UBE2V2: variants seen among roughly 807,000 people sequenced by gnomAD.
UBE2V2 encodes the protein ubiquitin-conjugating enzyme E2 variant 2.
Under a neutral mutation model 17.2 loss-of-function variants are expected in UBE2V2, and 9 were observed. The observed-to-expected ratio is 0.52, with a 90% confidence interval of 0.32 to 0.91. UBE2V2 has a LOEUF of 0.91. Among genes scored for constraint, UBE2V2 ranks in the 40% least tolerant of loss-of-function variants. UBE2V2 has a pLI of 0.04. For synonymous variants in UBE2V2, 61 were observed against 57.5 expected (o/e 1.06, Z -0.28); for missense variants, 133 against 182.6 (o/e 0.73, Z 1.56).
At chr8:48,042,330 A>G (rs759641449) in intron 1 of UBE2V2, 1 of 152,196 alleles carries the variant, frequency 6.6e-6, no homozygotes, top group Non-Finnish European at 1.5e-5. Flanking sequence ...CATATTACCA[A>G]TAGCATTTAA....
chr8:48,044,548 T>C (rs1032841903), intron 2 of UBE2V2, among the ~76,000 whole-genome samples: 1 of 152,218 alleles, frequency 6.6e-6, no homozygotes, highest in African/African-American at 2.4e-5. Flanking sequence ...TGGTGTTCCT[T>C]TGCAAAATTC....
rs1802580388 is a variant in UBE2V2, at chr8:48,060,732, C to T, written c.342C>T (p.Ser114=). 1 of 1,563,250 alleles carries T rather than the reference C, an allele frequency of 6.4e-7. No homozygotes were observed. Among genetic ancestry groups the T allele is most frequent in the East Asian group, 2.4e-5 (1 of 41,718 alleles). The change falls in exon 4 of 4, where the codon AGC becomes AGT. Residue 114 remains serine, a synonymous_variant. Coordinates refer to ENST00000523111, the MANE Select transcript of UBE2V2 (RefSeq NM_003350.3). ...TAGCAAAATGGCAAAATTCATATAG[C>T]ATTAAAGTTGTACTTCAAGAGCTAA... ...PVLAKWQNSY[S]IKVVLQELRR... is the part of the protein sequence containing the mutation.
At chr8:47,998,869 C>T in the UBE2V2 span, among the ~76,000 whole-genome samples, 2 of 152,134 alleles carry the variant, frequency 1.3e-5, no homozygotes, top group Non-Finnish European at 1.5e-5. Flanking sequence ...GGAAGCAGCA[C>T]CAAGCTTACA....
chr8:48,004,937 C>A (rs962776797), upstream of UBE2V2, among the ~76,000 whole-genome samples: 5 of 151,938 alleles, frequency 3.3e-5, no homozygotes, highest in African/African-American at 1.2e-4. Flanking sequence ...AAGTGATCCT[C>A]CCATCTCATC....
At chr8:48,027,590 C>T (rs1458283637) in intron 1 of UBE2V2, among the ~76,000 whole-genome samples, 1 of 152,198 alleles carries the variant, frequency 6.6e-6, no homozygotes, top group Non-Finnish European at 1.5e-5. Context: ...GTCTCCACCT[C>T]CTATACCCAA....
chr8:48,060,104 G>C (rs1802569724), intron 3 of UBE2V2, among the ~76,000 whole-genome samples: 1 of 151,042 alleles, frequency 6.6e-6, no homozygotes, highest in South Asian at 2.1e-4. Flanking sequence ...TACTTGGGAG[G>C]CCTCATGAGG....
At chr8:47,999,362 C>CT in the UBE2V2 span, among the ~76,000 whole-genome samples, 2,387 of 145,216 alleles carry the variant, frequency 0.016, 24 homozygotes, top group Middle Eastern at 0.047. Flanking sequence ...TAGACTTCCC[C>CT]TTTTTTTTTT....
intron 3 of UBE2V2, among the ~76,000 whole-genome samples, chr8:48,060,209 CAA>C (rs557515958): frequency 0.037 from 1,603 of 43,724 alleles, 14 homozygotes; most frequent in African/African-American, 0.1. Context: ...GACTCTGTCT[CAA>C]AAAAAAAAAA....
At chr8:48,028,259 C>G (rs2091358908) in intron 1 of UBE2V2, among the ~76,000 whole-genome samples, 1 of 152,044 alleles carries the variant, frequency 6.6e-6, no homozygotes, top group African/African-American at 2.4e-5. Flanking sequence ...CCTCCATCTC[C>G]CAGGTTCAAG....
chr8:48,051,126 C>T (rs907784948), intron 3 of UBE2V2, among the ~76,000 whole-genome samples: 2 of 152,094 alleles, frequency 1.3e-5, no homozygotes, highest in Admixed American at 6.6e-5. Flanking sequence ...GGATTACAGG[C>T]GTGAGCCACT....
chr8:48,040,983 G>C (rs1371385827), intron 1 of UBE2V2, among the ~76,000 whole-genome samples: 4 of 145,236 alleles, frequency 2.8e-5, no homozygotes. Flanking sequence ...TCCTGCCTCA[G>C]CCTCCCGAGT....
intron 3 of UBE2V2, among the ~76,000 whole-genome samples, chr8:48,050,684 G>A (rs148032649): frequency 0.038 from 5,172 of 137,100 alleles, 123 homozygotes; most frequent in Middle Eastern, 0.074. Flanking sequence ...GCGAAACTCC[G>A]TCTCAAAAAA....
rs182372708 is a variant in UBE2V2, at chr8:48,025,801, C to T, written c.17-17232C>T. 7.9e-5 allele frequency among the ~76,000 whole-genome samples: 12 copies of T among 151,140 alleles called. No individual in the cohort carries two copies. The South Asian group carries it at 1.5e-3, about 19-fold the overall frequency. On this transcript the variant is annotated intron_variant, in intron 1 of 3. Transcript: ENST00000523111. ...ATTTTTTGTAGAGTCGGGGTTTCTCCGTGTTAGCCAGGATGGTCTCAATCT... is the reference window on the plus strand; with the variant it reads ...ATTTTTTGTAGAGTCGGGGTTTCTCTGTGTTAGCCAGGATGGTCTCAATCT...
At chr8:47,997,449 C>T in the UBE2V2 span, among the ~76,000 whole-genome samples, 2 of 152,066 alleles carry the variant, frequency 1.3e-5, no homozygotes, top group South Asian at 2.1e-4. Flanking sequence ...TAAAATCTTG[C>T]CAATGGAAGT....
At chr8:48,008,679 C>T (rs1054251688) in intron 1 of UBE2V2, 3 of 487,072 alleles carry the variant, frequency 6.2e-6, no homozygotes, top group Non-Finnish European at 5.7e-6. Context: ...GCTCGCGCGT[C>T]GGCCGCGCGC....
chr8:48,054,925 G>A (rs1461243760), intron 3 of UBE2V2, among the ~76,000 whole-genome samples: 1 of 147,898 alleles, frequency 6.8e-6, no homozygotes, highest in Non-Finnish European at 1.5e-5. Flanking sequence ...TTCCTCCAAT[G>A]TTTCTTTTTT....
chr8:48,023,191 G>GT (rs2091317233), intron 1 of UBE2V2, among the ~76,000 whole-genome samples: 1 of 150,210 alleles, frequency 6.7e-6, no homozygotes, highest in Non-Finnish European at 1.5e-5. Context: ...TATTTGTACA[G>GT]TTTTTTTGCT....
chr8:48,058,330 T>C (rs75698769), intron 3 of UBE2V2, among the ~76,000 whole-genome samples: 1 of 151,964 alleles, frequency 6.6e-6, no homozygotes, highest in Non-Finnish European at 1.5e-5. Context: ...TAGCCGGGTA[T>C]GGTGGTGAGC....
At chr8:48,046,775 G>C (rs1273803801) in intron 2 of UBE2V2, among the ~76,000 whole-genome samples, 1 of 151,804 alleles carries the variant, frequency 6.6e-6, no homozygotes, top group Admixed American at 6.6e-5. Flanking sequence ...TTGTGTGTGT[G>C]TGTGTGTAGA....
Sources: allele counts gnomAD v4.1 joint callset (sites outside exome capture counted in the v4.1 genomes callset), GRCh38; gene constraint gnomAD v4.1.1; transcripts MANE v1.5; gene names NCBI Gene and HGNC (gene_info 2026-07-23, HGNC 2026-07-21).